The following TFDP2 variants were observed in gnomAD, a reference collection of about 807,000 sequenced individuals.
TFDP2 encodes transcription factor Dp-2 (E2F dimerization partner 2).
TFDP2 carries 17 observed loss-of-function variants against 59.3 expected under a neutral mutation model. The observed-to-expected ratio is 0.29, with a 90% CI of 0.20 to 0.43. The LOEUF is 0.43. Among genes scored for constraint, TFDP2 ranks in the 20% least tolerant of loss-of-function variants. TFDP2 has a pLI of 1.00. For synonymous variants in TFDP2, 180 were observed against 194.7 expected (o/e 0.92, Z 0.63); for missense variants, 391 against 528.8 (o/e 0.74, Z 2.56).
chr3:142,077,364 G>A (rs1056227878), intron 3 of TFDP2, among the ~76,000 whole-genome samples: 2 of 152,116 alleles, frequency 1.3e-5, no homozygotes, highest in Non-Finnish European at 2.9e-5. Context: ...CTAAGGGAGT[G>A]CTTGCGCCAC....
chr3:142,011,590 T>TAAAAAA (rs386398107), intron 3 of TFDP2, among the ~76,000 whole-genome samples: 4 of 63,874 alleles, frequency 6.3e-5, no homozygotes, highest in African/African-American at 2.7e-4. Context: ...TAAAGTATAA[T>TAAAAAA]AAAAAAAAAA....
intron 3 of TFDP2, among the ~76,000 whole-genome samples, chr3:142,018,948 G>A (rs375863445): frequency 4.7e-5 from 1 of 21,088 alleles, no homozygotes; most frequent in East Asian, 1.1e-3. Context: ...TTTTTTTTTG[G>A]TAGAACGTCT....
intron 3 of TFDP2, among the ~76,000 whole-genome samples, chr3:142,077,042 G>A (rs925723534): frequency 6.6e-6 from 1 of 152,188 alleles, no homozygotes; most frequent in African/African-American, 2.4e-5. Flanking sequence ...GCACCTGGGG[G>A]AGGGAGAGCT....
chr3:142,055,240 T>C (rs901718143), intron 3 of TFDP2, among the ~76,000 whole-genome samples: 1 of 152,162 alleles, frequency 6.6e-6, no homozygotes, highest in Non-Finnish European at 1.5e-5. Context: ...GTTGTGGCCA[T>C]AGTAATCCAT....
chr3:142,148,185 G>T (rs1188439049), intron 1 of TFDP2, among the ~76,000 whole-genome samples: 1 of 151,776 alleles, frequency 6.6e-6, no homozygotes, highest in Non-Finnish European at 1.5e-5. Context: ...CGGGGAGACA[G>T]GGGAAGGAGA....
chr3:141,975,322 C>A (rs1195697543), intron 7 of TFDP2, among the ~76,000 whole-genome samples: 6 of 152,068 alleles, frequency 3.9e-5, no homozygotes, highest in Non-Finnish European at 7.3e-5. Context: ...GTGGAGAACA[C>A]TGAATCCACC....
chr3:142,088,620 T>C (rs1322093228), intron 3 of TFDP2, among the ~76,000 whole-genome samples: 6 of 150,318 alleles, frequency 4.0e-5, no homozygotes, highest in Non-Finnish European at 8.9e-5. Context: ...TTTCTTTTTT[T>C]TTTTTTTTGA....
At chr3:142,052,175 C>G (rs1947663229) in intron 3 of TFDP2, among the ~76,000 whole-genome samples, 1 of 152,078 alleles carries the variant, frequency 6.6e-6, no homozygotes, top group African/African-American at 2.4e-5. Flanking sequence ...AATTAGAAAA[C>G]TTCTAGGAAA....
At chr3:141,960,756 A>AG (rs1351199977) in intron 10 of TFDP2, among the ~76,000 whole-genome samples, 1 of 152,264 alleles carries the variant, frequency 6.6e-6, no homozygotes, top group African/African-American at 2.4e-5. Flanking sequence ...CTTAAAAAAA[A>AG]AAATCTGAAG....
chr3:141,973,123 A>ATATATATATATATATTTTTTTTTT, intron 8 of TFDP2, among the ~76,000 whole-genome samples: 11 of 58,022 alleles, frequency 1.9e-4, no homozygotes, highest in Non-Finnish European at 3.7e-4. Flanking sequence ...ATATATATAT[A>ATATATATATATATATTTTTTTTTT]TTTTTTTTTT....
Position 141,959,578 on chromosome 3 carries a change from G to C in TFDP2, c.1051+96C>G, listed in dbSNP as rs1245240049. The stretch of plus-strand genomic sequence containing the variant: ...TCAGTTTGTCGACACAAGCACAGAT[G>C]TTCTAAAATTTTGCAATTTTCTATA... On this transcript the variant is annotated intron_variant, in intron 11 of 12. Transcript: ENST00000489671. 2.9e-6 allele frequency: 4 copies of C among 1,358,316 alleles called. No individual in the cohort carries two copies. The Admixed American group carries it at 6.2e-5, about 21-fold the overall frequency. 84.1% of individuals were successfully genotyped at this position (1,358,316 alleles called of 1,614,324 possible).
intron 3 of TFDP2, among the ~76,000 whole-genome samples, chr3:142,069,959 G>A (rs2060190762): frequency 6.6e-6 from 1 of 151,650 alleles, no homozygotes; most frequent in Non-Finnish European, 1.5e-5. Flanking sequence ...AGGCTGCAGT[G>A]CAGTGGCGTG....
chr3:142,034,090 CTTTTTTTTT>C (rs34769821), intron 3 of TFDP2, among the ~76,000 whole-genome samples: 2 of 93,764 alleles, frequency 2.1e-5, no homozygotes, highest in African/African-American at 3.9e-5. Flanking sequence ...TTTGCACCAA[CTTTTTTTTT>C]TTTTTTTTTT....
At chr3:142,056,616 G>C (rs1368013824) in intron 3 of TFDP2, among the ~76,000 whole-genome samples, 1 of 152,142 alleles carries the variant, frequency 6.6e-6, no homozygotes, top group East Asian at 1.9e-4. Context: ...TTTAGAAAAA[G>C]CATCTCAGAA....
At chr3:142,128,460 C>T (rs2062358490) in intron 1 of TFDP2, among the ~76,000 whole-genome samples, 1 of 152,192 alleles carries the variant, frequency 6.6e-6, no homozygotes, top group African/African-American at 2.4e-5. Flanking sequence ...GACCTGCAAG[C>T]ACTCAATCAC....
At chr3:142,112,725 T>C (rs1304425983) in intron 1 of TFDP2, among the ~76,000 whole-genome samples, 2 of 152,188 alleles carry the variant, frequency 1.3e-5, no homozygotes, top group African/African-American at 2.4e-5. Context: ...CTTGCTATAT[T>C]GCCCAAGCTG....
At chr3:142,094,861 G>A (rs766724154) in intron 2 of TFDP2, among the ~76,000 whole-genome samples, 1 of 152,154 alleles carries the variant, frequency 6.6e-6, no homozygotes. Context: ...ACACAATACA[G>A]TACTATTAAT....
At chr3:141,977,106 A>ATTTTTT (rs66720095) in intron 7 of TFDP2, among the ~76,000 whole-genome samples, 2 of 97,524 alleles carry the variant, frequency 2.1e-5, no homozygotes, top group African/African-American at 4.2e-5. Context: ...ATATATATAT[A>ATTTTTT]TTTTTTTTTT....
chr3:142,109,703 C>T (rs984714654), intron 1 of TFDP2, among the ~76,000 whole-genome samples: 2 of 151,834 alleles, frequency 1.3e-5, no homozygotes, highest in African/African-American at 2.4e-5. Flanking sequence ...TATTTGTATT[C>T]GTTAATTTTT....
Sources: gnomAD v4.1 joint callset for allele counts (sites outside exome capture counted in the v4.1 genomes callset) on GRCh38, gnomAD v4.1.1 for gene constraint, MANE v1.5 for transcripts, NCBI Gene and HGNC (gene_info 2026-07-23, HGNC 2026-07-21) for gene names.